Variants in PHC2 observed in about 807,000 individuals in gnomAD.
PHC2 encodes the protein polyhomeotic homolog 2.
Under a neutral mutation model 87.4 loss-of-function variants are expected in PHC2, and 29 were observed. The observed-to-expected ratio is 0.33, with a 90% CI of 0.25 to 0.45. PHC2 has a LOEUF of 0.45. Among genes scored for constraint, PHC2 ranks in the 20% least tolerant of loss-of-function variants. PHC2 has a pLI of 1.00. For missense variants in PHC2, 857 were observed against 1,136.7 expected (o/e 0.75, Z 3.54); for synonymous variants, 438 against 461.7 (o/e 0.95, Z 0.66).
chr1:33,365,942 A>AC (rs1411469216), intron 7 of PHC2, among the ~76,000 whole-genome samples: 8 of 152,162 alleles, frequency 5.3e-5, no homozygotes, highest in Non-Finnish European at 1.2e-4. Context: ...GGCATCTCTG[A>AC]CCCATTCTGC....
chr1:33,426,095 G>A (rs1452654993), intron 1 of PHC2, among the ~76,000 whole-genome samples: 1 of 152,208 alleles, frequency 6.6e-6, no homozygotes, highest in Non-Finnish European at 1.5e-5. Flanking sequence ...AGTAAAAATT[G>A]TTTCTGAGAG....
At chr1:33,333,812 A>C (rs1475901377) in intron 10 of PHC2, 4 of 391,446 alleles carry the variant, frequency 1.0e-5, no homozygotes, top group Non-Finnish European at 9.1e-6. Flanking sequence ...CCTTTTAACC[A>C]AGGGTTCACA....
rs1276661135 is a variant in PHC2 at position 33,331,318 on chromosome 1, G to A, written c.2006+30C>T. 8.1e-7 allele frequency: 1 copy of A among 1,232,254 alleles called. No homozygotes were observed. The highest frequency in any genetic ancestry group is 1.2e-6 in the Non-Finnish European group (1 of 835,856). 76.3% of individuals were successfully genotyped at this position (1,232,254 alleles called of 1,614,324 possible). On this transcript the variant is annotated intron_variant, in intron 12 of 14. Coordinates refer to ENST00000683057, the MANE Select transcript of PHC2 (RefSeq NM_001385109.1). The surrounding 1 kb of genome is among the most constrained non-coding windows in gnomAD (Gnocchi z 5.2). ...GAGGTGGGACATAAAGTGCAGTCCT[G>A]GGGAAATGGAGGGGGCTGGGGCCAC...
chr1:33,406,663 T>C (rs1649776518), intron 1 of PHC2, among the ~76,000 whole-genome samples: 1 of 152,248 alleles, frequency 6.6e-6, no homozygotes, highest in Admixed American at 6.5e-5. Context: ...ACATTTGATG[T>C]AATAGAGGCA....
intron 14 of PHC2, chr1:33,325,542 G>A (rs1450541465): frequency 1.9e-5 from 4 of 212,202 alleles, no homozygotes; most frequent in African/African-American, 2.3e-5. Flanking sequence ...CCTGTATGGC[G>A]TCTTCCCTGA....
chr1:33,391,653 GA>G (rs11315105), intron 1 of PHC2, among the ~76,000 whole-genome samples: 32,743 of 139,708 alleles, frequency 0.23, 6,101 homozygotes, highest in African/African-American at 0.53. Flanking sequence ...CCTTTGATAG[GA>G]AAAAAAAAAA....
chr1:33,347,545 CAT>C, intron 9 of PHC2: 2 of 985,132 alleles, frequency 2.0e-6, no homozygotes, highest in Non-Finnish European at 2.4e-6. Context: ...CTTTGTGCCA[CAT>C]GTCAGTAAAG....
At chr1:33,422,809 G>A (rs1388352724) in intron 1 of PHC2, among the ~76,000 whole-genome samples, 1 of 151,986 alleles carries the variant, frequency 6.6e-6, no homozygotes, top group Non-Finnish European at 1.5e-5. Flanking sequence ...AATGAGAATA[G>A]TCTGAGCCTA....
intron 9 of PHC2, among the ~76,000 whole-genome samples, chr1:33,340,445 A>G (rs1295435699): frequency 6.6e-6 from 1 of 152,204 alleles, no homozygotes; most frequent in African/African-American, 2.4e-5. Flanking sequence ...AGCACTGCAG[A>G]GTGATGCCCA....
chr1:33,349,261 G>A lies in PHC2; in HGVS notation c.1558+5140C>T, dbSNP rs530916828. ...GATGCCAGCAGTCTCGTCCCCGAACGCACCGTCCGTCCCAGGGAAGTCGCA... is the reference window on the plus strand; with the variant it reads ...GATGCCAGCAGTCTCGTCCCCGAACACACCGTCCGTCCCAGGGAAGTCGCA... On this transcript the variant is annotated intron_variant, in intron 9 of 14. Transcript: ENST00000683057. This position sits in a 1 kb window ranked among gnomAD's most constrained non-coding sequence, Gnocchi z 4.2. 3.0e-5 allele frequency: 30 copies of A among 985,406 alleles called. No homozygotes were observed. In the South Asian group the frequency reaches 9.9e-4, roughly 32 times the overall value. The allele number at this position is 985,406 out of a possible 1,614,324, so 61.0% of individuals were successfully genotyped here.
Position 33,367,340 on chromosome 1 carries a change from G to A in PHC2, c.752C>T (p.Ala251Val), listed in dbSNP as rs144272203. 8.0e-5 allele frequency: 129 copies of A among 1,612,978 alleles called. No individual in the cohort carries two copies. The highest frequency in any genetic ancestry group is 2.0e-4 in the African/African-American group (15 of 74,912). ...GCTACCGCCCGGCGTGGGTTTCAGG[G>A]CCAAGCTGGGCAGGACAGGCTGAGT... is the stretch of plus-strand genomic sequence containing the variant. Reference protein sequence around the residue: ...TPTQPVLPSLALKPTPGGSQP... With the variant: ...TPTQPVLPSLVLKPTPGGSQP... The change falls in exon 7 of 15, where the codon GCC becomes GTC. Residue 251 changes from alanine to valine, a missense_variant. Ala to Val is a moderately conservative substitution (Grantham distance 64). This residue lies in a region of PHC2 where 832 missense variants were observed against 1,081.8 expected (regional missense o/e 0.77). Coordinates refer to ENST00000683057, the MANE Select transcript of PHC2 (RefSeq NM_001385109.1).
chr1:33,329,242 A>G (rs1016335273), intron 13 of PHC2, 96 bp from the exon 14 acceptor site: 7 of 1,306,220 alleles, frequency 5.4e-6, no homozygotes, highest in African/African-American at 1.5e-5. Context: ...TACTTGGCCT[A>G]CTACTACACA....
In PHC2 at chr1:33,341,000, T is replaced by C. The variant is rs186573156; in HGVS notation, c.1559-6708A>G. 2.8e-3 allele frequency among the ~76,000 whole-genome samples: 425 copies of C among 152,156 alleles called. 2 individuals carry two copies. Among genetic ancestry groups the C allele is most frequent in the African/African-American group, 9.8e-3 (406 of 41,504 alleles). On this transcript the variant is annotated intron_variant, in intron 9 of 14. Coordinates refer to ENST00000683057, the MANE Select transcript of PHC2 (RefSeq NM_001385109.1). The stretch of plus-strand genomic sequence containing the variant: ...ATTAAAGTTAGAAAGGCCCTGAGTT[T>C]AACATCTTAAATGTCCTAGATGAAG...
At chr1:33,370,339 C>G (rs1647743690) in intron 5 of PHC2, 82 bp downstream of exon 5, 1 of 1,425,254 alleles carries the variant, frequency 7.0e-7, no homozygotes, top group African/African-American at 1.4e-5. Context: ...CCTCCCCACC[C>G]TTCTCCAGCT....
intron 1 of PHC2, among the ~76,000 whole-genome samples, chr1:33,399,596 G>A (rs1400994870): frequency 1.3e-5 from 2 of 152,172 alleles, no homozygotes; most frequent in African/African-American, 4.8e-5. Flanking sequence ...TGTTTTCCAG[G>A]CCTTCACATA....
At chr1:33,407,982 A>AG (rs1275571177) in intron 1 of PHC2, among the ~76,000 whole-genome samples, 1 of 152,162 alleles carries the variant, frequency 6.6e-6, no homozygotes, top group African/African-American at 2.4e-5. Flanking sequence ...ACAAGGTGTG[A>AG]GGGGGGAGAA....
rs1322823572 is a variant in PHC2, at chr1:33,399,782, T to C, written c.-54-24189A>G. Among the ~76,000 whole-genome samples the C allele has an allele frequency of 3.3e-5, 5 of 152,206 alleles. No homozygotes were observed. In the South Asian group the frequency reaches 1.0e-3, roughly 32 times the overall value. On this transcript the variant is annotated intron_variant, in intron 1 of 14. Transcript: ENST00000683057. ...GTTATAGTCCCTGACCCCAAGTGACTTTAGGTAGGAATGCTCAAGAGACTG... is the reference window on the plus strand; with the variant it reads ...GTTATAGTCCCTGACCCCAAGTGACCTTAGGTAGGAATGCTCAAGAGACTG...
chr1:33,367,594 G>A (rs756567067), intron 6 of PHC2, among the ~76,000 whole-genome samples, 166 bp from the exon 7 acceptor site: 1 of 152,180 alleles, frequency 6.6e-6, no homozygotes, highest in Admixed American at 6.5e-5. Flanking sequence ...CCAGAAGCAC[G>A]TGGAGTTGCT....
At chr1:33,402,087 A>G (rs1649560468) in intron 1 of PHC2, among the ~76,000 whole-genome samples, 1 of 152,204 alleles carries the variant, frequency 6.6e-6, no homozygotes, top group South Asian at 2.1e-4. Flanking sequence ...TGCATCAAAA[A>G]TATTTTAAAA....
Sources: allele counts gnomAD v4.1 joint callset (sites outside exome capture counted in the v4.1 genomes callset), GRCh38; gene constraint gnomAD v4.1.1; regional missense constraint gnomAD v4.1.1; non-coding constraint Gnocchi (gnomAD v3.1); transcripts MANE v1.5; gene names NCBI Gene and HGNC (gene_info 2026-07-23, HGNC 2026-07-21).